CD59: variants seen among roughly 807,000 people sequenced by gnomAD.
CD59 encodes CD59 glycoprotein.
CD59 carries 3 observed loss-of-function variants against 7.0 expected under a neutral mutation model. The observed-to-expected ratio is 0.43, with a 90% CI of 0.19 to 1.10. The LOEUF (loss-of-function observed/expected upper bound fraction) is 1.10. Ranked by LOEUF, CD59 falls within the 50% of genes least tolerant of loss-of-function variation. CD59 has a pLI of 0.29. For missense variants in CD59, 143 were observed against 151.0 expected, an observed-to-expected ratio of 0.95 and a Z score of 0.28; for synonymous variants, 60 against 62.0, an observed-to-expected ratio of 0.97 and a Z score of 0.15.
chr11:33,707,827 G>A lies in CD59; in HGVS notation c.*2299C>T, dbSNP rs989775974. On this transcript the variant is annotated 3_prime_UTR_variant, in exon 4 of 4. Transcript: ENST00000642928. ...CGTGAGGCCAGGTTAGAAAGTCACA[G>A]GCCTTGGCAGCAGGCAGAGAGCCTT... The A allele has an allele frequency of 1.3e-5, 2 of 152,236 alleles. No homozygotes were observed. The highest frequency in any genetic ancestry group is 2.9e-5 in the Non-Finnish European group (2 of 68,038). 9.4% of individuals were successfully genotyped at this position (152,236 alleles called of 1,614,324 possible). A position where few individuals can be genotyped will look rare whatever the true frequency, so the allele number is the denominator to read the frequency against.
chr11:33,722,603 C>T, intron 1 of CD59, 140 bp from the exon 2 acceptor site: 1 of 1,516,758 alleles, frequency 6.6e-7, no homozygotes, highest in South Asian at 1.2e-5. Flanking sequence ...ATCCCTGGGC[C>T]ATGCCCCAGC....
chr11:33,712,001 T>C (rs973508593), intron 3 of CD59, among the ~76,000 whole-genome samples: 2 of 152,250 alleles, frequency 1.3e-5, no homozygotes, highest in Admixed American at 6.5e-5. Flanking sequence ...GCAATTCCAC[T>C]CACAAGTGTA....
In CD59 at chr11:33,736,284, C is replaced by A. The variant is rs1854573028; in HGVS notation, c.-19+98G>T. On this transcript the variant is annotated intron_variant, in intron 1 of 3. Transcript: ENST00000642928. This position sits in a 1 kb window ranked among gnomAD's most constrained non-coding sequence, Gnocchi z 4.4. ...GCAGGGGTCGAGTGGAAAGCGAGGA[C>A]GGGGGTAGCCCCCACAGACCCTCCG... 1 of 152,376 alleles carries A rather than the reference C, an allele frequency of 6.6e-6. No homozygotes were observed. The highest frequency in any genetic ancestry group is 2.4e-5 in the African/African-American group (1 of 41,422). 9.4% of individuals were successfully genotyped at this position (152,376 alleles called of 1,614,324 possible). A position where few individuals can be genotyped will look rare whatever the true frequency, so the allele number is the denominator to read the frequency against.
intron 1 of CD59, among the ~76,000 whole-genome samples, chr11:33,729,657 A>G (rs1854357000): frequency 6.6e-6 from 1 of 152,096 alleles, no homozygotes; most frequent in African/African-American, 2.4e-5. Context: ...CCAGAACGTA[A>G]AGTATAATTT....
intron 3 of CD59, among the ~76,000 whole-genome samples, chr11:33,710,764 G>A (rs1293282611): frequency 2.0e-4 from 30 of 148,818 alleles, no homozygotes; most frequent in South Asian, 6.4e-4. Flanking sequence ...TTTCTTGCCC[G>A]GTCATCTGGT....
chr11:33,723,065 G>A, intron 1 of CD59: 3 of 642,446 alleles, frequency 4.7e-6, no homozygotes, highest in Non-Finnish European at 5.9e-6. Flanking sequence ...TGAGAAGAAG[G>A]AAAGCCTGAA....
intron 3 of CD59, among the ~76,000 whole-genome samples, chr11:33,713,451 C>T (rs1399432453): frequency 2.0e-5 from 3 of 152,218 alleles, no homozygotes; most frequent in African/African-American, 7.2e-5. Flanking sequence ...CTGTCCTCCT[C>T]CTCTGAGGGG....
chr11:33,713,984 C>A (rs1853674826), intron 3 of CD59, among the ~76,000 whole-genome samples: 1 of 152,190 alleles, frequency 6.6e-6, no homozygotes, highest in Non-Finnish European at 1.5e-5. Flanking sequence ...AAATGTGGCC[C>A]TTGTTCAGAA....
chr11:33,711,499 C>A (rs1210914351), intron 3 of CD59: 1 of 663,266 alleles, frequency 1.5e-6, no homozygotes, highest in Non-Finnish European at 2.7e-6. Flanking sequence ...ATAGTGATAT[C>A]CCAACTCTAC....
chr11:33,723,068 A>G (rs1324208042), intron 1 of CD59: 7 of 601,618 alleles, frequency 1.2e-5, no homozygotes, highest in Non-Finnish European at 1.5e-5. Flanking sequence ...GAAGAAGGAA[A>G]GCCTGAAATG....
In CD59 at chr11:33,703,507, C is replaced by T. The variant is rs994078026; in HGVS notation, c.*6619G>A. The T allele has an allele frequency of 6.6e-6, 1 of 152,270 alleles. No individual in the cohort carries two copies. Among genetic ancestry groups the T allele is most frequent in the South Asian group, 2.1e-4 (1 of 4,830 alleles). The allele number at this position is 152,270 out of a possible 1,614,324, so 9.4% of individuals were successfully genotyped here. On this transcript the variant is annotated 3_prime_UTR_variant, in exon 4 of 4. Transcript: ENST00000642928. ...ACCATCCTGTTGGAGCTTCCTAACG[C>T]CCCTGCTCCCTGGTTTCATTTGGAA...
chr11:33,723,586 A>G (rs988378225), intron 1 of CD59, among the ~76,000 whole-genome samples: 4 of 152,166 alleles, frequency 2.6e-5, no homozygotes, highest in African/African-American at 9.7e-5. Context: ...AAGAAAGACA[A>G]TTGTCATCTG....
chr11:33,720,544 CA>C (rs148567681), intron 2 of CD59, among the ~76,000 whole-genome samples: 3,117 of 152,060 alleles, frequency 0.02, 119 homozygotes, highest in African/African-American at 0.072. Context: ...ACTAAAAATA[CA>C]AAAATTAAAA....
At chr11:33,712,016 C>G (rs1853580142) in intron 3 of CD59, among the ~76,000 whole-genome samples, 1 of 152,234 alleles carries the variant, frequency 6.6e-6, no homozygotes, top group Non-Finnish European at 1.5e-5. Context: ...AGTGTATATA[C>G]TTCTGCCATT....
At chr11:33,722,878 G>A in intron 1 of CD59, 1 of 972,624 alleles carries the variant, frequency 1.0e-6, no homozygotes, top group Non-Finnish European at 1.3e-6. Context: ...GCACCAGCAT[G>A]CATTCAGCAG....
intron 2 of CD59, among the ~76,000 whole-genome samples, chr11:33,722,104 G>A (rs890142946): frequency 7.2e-5 from 11 of 152,102 alleles, no homozygotes; most frequent in African/African-American, 2.7e-4. Flanking sequence ...AGCAGCTTAT[G>A]GTGACAGGAG....
intron 1 of CD59, among the ~76,000 whole-genome samples, chr11:33,728,273 C>T (rs1854315965): frequency 6.6e-6 from 1 of 152,204 alleles, no homozygotes; most frequent in Non-Finnish European, 1.5e-5. Context: ...TCAAACTATA[C>T]TACAAGGCTA....
intron 2 of CD59, chr11:33,719,215 A>G (rs1853938550): frequency 1.3e-5 from 2 of 152,254 alleles, no homozygotes; most frequent in Admixed American, 1.3e-4. Context: ...AGTTCTCTAG[A>G]GCATCTGAAA....
intron 1 of CD59, among the ~76,000 whole-genome samples, chr11:33,724,334 T>C (rs1854187255): frequency 1.3e-5 from 2 of 152,118 alleles, no homozygotes; most frequent in African/African-American, 4.8e-5. Flanking sequence ...TAGAAAGAAG[T>C]GGCCTGCTAA....
Sources: gnomAD v4.1 joint callset for allele counts (sites outside exome capture counted in the v4.1 genomes callset) on GRCh38, gnomAD v4.1.1 for gene constraint, Gnocchi (gnomAD v3.1) non-coding constraint, MANE v1.5 for transcripts, NCBI Gene and HGNC (gene_info 2026-07-23, HGNC 2026-07-21) for gene names.